GNAI1: variants seen among roughly 807,000 people sequenced by gnomAD.
The protein encoded by GNAI1 is G protein subunit alpha i1.
GNAI1 carries 11 observed loss-of-function variants against 38.9 expected under a neutral mutation model. The ratio of observed to expected loss-of-function variants is 0.28; its 90% CI spans 0.18 to 0.47. The LOEUF is 0.47. GNAI1 is among the 20% of genes least tolerant of loss of function. The pLI is 0.99. For synonymous variants in GNAI1, 166 were observed against 145.1 expected (o/e 1.14, Z -1.04); for missense variants, 317 against 436.9 (o/e 0.73, Z 2.45).
At chr7:80,199,189 C>T (rs1470947010) in intron 3 of GNAI1, 36 bp from the exon 4 acceptor site, 1 of 1,483,350 alleles carries the variant, frequency 6.7e-7, no homozygotes, top group Non-Finnish European at 9.2e-7. Flanking sequence ...TCTGACGTAT[C>T]CCTTTTTACT....
At chr7:80,145,725 A>G (rs946386056) in intron 1 of GNAI1, among the ~76,000 whole-genome samples, 1 of 152,090 alleles carries the variant, frequency 6.6e-6, no homozygotes, top group African/African-American at 2.4e-5. Flanking sequence ...TCAGCTATTT[A>G]TGGTGTCTTG....
intron 1 of GNAI1, among the ~76,000 whole-genome samples, chr7:80,169,813 T>G (rs10268773): frequency 0.15 from 23,068 of 152,140 alleles, 1,866 homozygotes; most frequent in South Asian, 0.24. Context: ...TTTCATGACC[T>G]TTACCAGTCA....
chr7:80,159,959 G>C (rs1787891794), intron 1 of GNAI1, among the ~76,000 whole-genome samples: 1 of 152,072 alleles, frequency 6.6e-6, no homozygotes, highest in Non-Finnish European at 1.5e-5. Flanking sequence ...TGCTAGTACT[G>C]GTTATGTAGC....
chr7:80,214,318 G>C (rs1208233875), intron 7 of GNAI1, among the ~76,000 whole-genome samples: 1 of 152,008 alleles, frequency 6.6e-6, no homozygotes, highest in African/African-American at 2.4e-5. Flanking sequence ...CCAGAGTCAA[G>C]ATGGCTTAAT....
intron 1 of GNAI1, among the ~76,000 whole-genome samples, chr7:80,157,168 A>T (rs565596712): frequency 2.0e-5 from 3 of 152,072 alleles, no homozygotes; most frequent in Non-Finnish European, 2.9e-5. Flanking sequence ...CTGTCTCCAT[A>T]GTTTTTTCTT....
At chr7:80,150,955 G>A (rs534569525) in intron 1 of GNAI1, among the ~76,000 whole-genome samples, 16 of 152,250 alleles carry the variant, frequency 1.1e-4, no homozygotes, top group East Asian at 1.9e-4. Context: ...CAGTCCTCCA[G>A]AATGACAGCT....
intron 6 of GNAI1, among the ~76,000 whole-genome samples, chr7:80,211,863 A>G (rs1363416638): frequency 6.6e-6 from 1 of 152,180 alleles, no homozygotes; most frequent in Non-Finnish European, 1.5e-5. Flanking sequence ...AAAGTGGGGG[A>G]AAAAGTAGAA....
At chr7:80,198,385 G>A (rs1458124121) in intron 3 of GNAI1, among the ~76,000 whole-genome samples, 1 of 152,086 alleles carries the variant, frequency 6.6e-6, no homozygotes, top group Non-Finnish European at 1.5e-5. Flanking sequence ...TATTTAGATT[G>A]TATTAGTGTT....
At chr7:80,157,020 G>T (rs1334569192) in intron 1 of GNAI1, among the ~76,000 whole-genome samples, 1 of 152,084 alleles carries the variant, frequency 6.6e-6, no homozygotes, top group African/African-American at 2.4e-5. Flanking sequence ...ACATTCTATT[G>T]GTTTGGAAAA....
chr7:80,211,450 G>A (rs886760016), intron 6 of GNAI1, among the ~76,000 whole-genome samples: 7 of 139,096 alleles, frequency 5.0e-5, no homozygotes, highest in African/African-American at 1.3e-4. Flanking sequence ...ACGGAGTCTC[G>A]CCCTGTTGCC....
intron 6 of GNAI1, among the ~76,000 whole-genome samples, chr7:80,212,030 G>A (rs1788884557): frequency 6.6e-6 from 1 of 152,098 alleles, no homozygotes; most frequent in South Asian, 2.1e-4. Flanking sequence ...AGAACTGCCT[G>A]CTGGACTTGA....
intron 5 of GNAI1, among the ~76,000 whole-genome samples, chr7:80,209,027 C>A (rs1289914879): frequency 6.6e-6 from 1 of 152,182 alleles, no homozygotes; most frequent in East Asian, 1.9e-4. Flanking sequence ...AAGGTTCTTT[C>A]CAGCTTTATT....
intron 1 of GNAI1, among the ~76,000 whole-genome samples, chr7:80,146,538 T>G (rs1787626969): frequency 6.6e-6 from 1 of 152,200 alleles, no homozygotes; most frequent in Non-Finnish European, 1.5e-5. Context: ...CTTATTTTTT[T>G]AGAGCTCGTT....
At chr7:80,148,021 C>CTGT (rs151041980) in intron 1 of GNAI1, among the ~76,000 whole-genome samples, 6,483 of 152,036 alleles carry the variant, frequency 0.043, 219 homozygotes, top group African/African-American at 0.1. Context: ...TTTTTTGTTG[C>CTGT]TGTTGTTGTT....
chr7:80,188,932 TTA>T lies in GNAI1; in HGVS notation c.119-17_119-16del. ...TGATTATGATGAAATTAGAAACCTT[TTA>T]TGTTTTATATTTTTAGGTGCTGGTG... On this transcript the variant is annotated splice_polypyrimidine_tract_variant and intron_variant, in intron 1 of 7. Transcript: ENST00000649796. 1 of 1,555,698 alleles carries T rather than the reference TTA, an allele frequency of 6.4e-7. No homozygotes were observed. Among genetic ancestry groups the T allele is most frequent in the East Asian group, 2.2e-5 (1 of 44,534 alleles).
chr7:80,222,776 A>G lies in GNAI1; in HGVS notation c.*5283A>G, dbSNP rs941972026. 1.3e-5 allele frequency among the ~76,000 whole-genome samples: 2 copies of G among 152,166 alleles called. No individual in the cohort carries two copies. Among genetic ancestry groups the G allele is most frequent in the Non-Finnish European group, 2.9e-5 (2 of 68,016 alleles). ...GACTATTTTAGCAGATAAGAGTGCC[A>G]CTTTTAGTAAAAGAAGTTGTCACCT... On this transcript the variant is annotated 3_prime_UTR_variant, in exon 8 of 8. Transcript: ENST00000649796.
intron 4 of GNAI1, among the ~76,000 whole-genome samples, chr7:80,200,954 A>G (rs1788677074): frequency 6.6e-6 from 1 of 152,020 alleles, no homozygotes; most frequent in Non-Finnish European, 1.5e-5. Flanking sequence ...TCAGCTTTAC[A>G]TTTATTTTGA....
chr7:80,206,873 C>T (rs1285530806), intron 5 of GNAI1, among the ~76,000 whole-genome samples: 1 of 151,960 alleles, frequency 6.6e-6, no homozygotes, highest in Non-Finnish European at 1.5e-5. Flanking sequence ...ATCATAGCAA[C>T]GTACTATAAA....
intron 1 of GNAI1, among the ~76,000 whole-genome samples, chr7:80,140,169 A>G (rs1159235108): frequency 6.6e-6 from 1 of 151,946 alleles, no homozygotes; most frequent in African/African-American, 2.4e-5. Context: ...TATTTGTAGT[A>G]GAGACGGGGT....
Sources: gnomAD v4.1 joint callset for allele counts (sites outside exome capture counted in the v4.1 genomes callset) on GRCh38, gnomAD v4.1.1 for gene constraint, MANE v1.5 for transcripts, NCBI Gene and HGNC (gene_info 2026-07-23, HGNC 2026-07-21) for gene names.